NUBP1: variants seen among roughly 807,000 people sequenced by gnomAD.
The protein encoded by NUBP1 is cytosolic Fe-S cluster assembly factor NUBP1.
Under a neutral mutation model 41.8 loss-of-function variants are expected in NUBP1, and 46 were observed. The observed-to-expected ratio is 1.10, with a 90% confidence interval of 0.87 to 1.41. The LOEUF (loss-of-function observed/expected upper bound fraction) is 1.41. Among genes scored for constraint, NUBP1 ranks in the 40% most tolerant of loss-of-function variants. NUBP1 has a pLI of 0.00. For missense variants in NUBP1, 494 were observed against 414.0 expected (o/e 1.19, Z -1.68); for synonymous variants, 189 against 154.6 (o/e 1.22, Z -1.65).
chr16:10,761,059 C>CGCCG, intron 7 of NUBP1: 1 of 280,522 alleles, frequency 3.6e-6, no homozygotes, highest in Non-Finnish European at 7.0e-6. Context: ...GAGGAACTGT[C>CGCCG]AAACACTTAC....
At chr16:10,756,824 G>A in intron 6 of NUBP1, 44 bp downstream of exon 6, 2 of 1,512,252 alleles carry the variant, frequency 1.3e-6, no homozygotes, top group Non-Finnish European at 1.8e-6. Context: ...TCTTCCACGA[G>A]CGTTGTGGCT....
chr16:10,755,801 G>A, intron 5 of NUBP1, 48 bp downstream of exon 5: 1 of 1,581,976 alleles, frequency 6.3e-7, no homozygotes, highest in East Asian at 2.2e-5. Flanking sequence ...GTGTGGTTGT[G>A]TGTACATAAT....
rs1008130859 is a variant in NUBP1 at position 10,768,463 on chromosome 16, C to T, written c.904+431C>T. ...CTCTACTAAAAATATGAAAATTAGC[C>T]GGGTGTGGTGGCGCATGCCTGTAGT... On this transcript the variant is annotated intron_variant, in intron 10 of 10. Coordinates refer to ENST00000283027, the MANE Select transcript of NUBP1 (RefSeq NM_002484.4). The surrounding 1 kb of genome is among the most constrained non-coding windows in gnomAD (Gnocchi z 4.3). 5.0e-5 allele frequency: 8 copies of T among 159,986 alleles called. No homozygotes were observed. The highest frequency in any genetic ancestry group is 6.8e-5 in the Non-Finnish European group (5 of 73,262). 9.9% of individuals were successfully genotyped at this position (159,986 alleles called of 1,614,324 possible).
At chr16:10,756,634 C>T in intron 5 of NUBP1, 56 bp from the exon 6 acceptor site, 1 of 1,334,958 alleles carries the variant, frequency 7.5e-7, no homozygotes, top group Non-Finnish European at 1.0e-6. Context: ...GGGGGAGGGC[C>T]TCACTGTGTG....
chr16:10,743,957 G>A lies in NUBP1; in HGVS notation c.20-4G>A. 6.3e-7 allele frequency: 1 copy of A among 1,592,306 alleles called. No homozygotes were observed. On this transcript the variant is annotated splice_region_variant and splice_polypyrimidine_tract_variant and intron_variant, in intron 1 of 10. Transcript: ENST00000283027. ...GCTCTAACTGTGGTCTTGTCTCTGC[G>A]CAGACTGTCCAGGGGCCGACAGCGC...
Position 10,765,779 on chromosome 16 carries a change from A to C in NUBP1, c.821-2170A>C, listed in dbSNP as rs1305172817. ...GGTTCACAAGAGCTAATTTCAAAGC[A>C]GAGGAGCCACCAGTGACAGCTGCGA... On this transcript the variant is annotated intron_variant, in intron 9 of 10. Coordinates refer to ENST00000283027, the MANE Select transcript of NUBP1 (RefSeq NM_002484.4). The surrounding 1 kb of genome is among the most constrained non-coding windows in gnomAD (Gnocchi z 4.0). Among the ~76,000 whole-genome samples the C allele has an allele frequency of 6.6e-6, 1 of 152,262 alleles. No homozygotes were observed. The highest frequency in any genetic ancestry group is 1.5e-5 in the Non-Finnish European group (1 of 68,040).
Position 10,749,088 on chromosome 16 carries a change from TAAA to T in NUBP1, c.258+1822_258+1824del, listed in dbSNP as rs1186301797. On this transcript the variant is annotated intron_variant, in intron 3 of 10. Transcript: ENST00000283027. This position sits in a 1 kb window ranked among gnomAD's most constrained non-coding sequence, Gnocchi z 4.1. The stretch of plus-strand genomic sequence containing the variant: ...CCTGGGTGACAGACAAGACTCCATT[TAAA>T]AAAAAAAAAGGATATAGATAGATAC... Among the ~76,000 whole-genome samples the T allele has an allele frequency of 1.5e-5, 2 of 133,200 alleles. No homozygotes were observed. The highest frequency in any genetic ancestry group is 5.8e-5 in the African/African-American group (2 of 34,716). The allele number at this position is 133,200 out of a possible 152,430, so 87.4% of individuals were successfully genotyped here. A position where few individuals can be genotyped will look rare whatever the true frequency, so the allele number is the denominator to read the frequency against.
chr16:10,744,042 G>T lies in NUBP1; in HGVS notation c.101G>T (p.Gly34Val). The T allele has an allele frequency of 6.3e-7, 1 of 1,583,520 alleles. No homozygotes were observed. The highest frequency in any genetic ancestry group is 8.5e-7 in the Non-Finnish European group (1 of 1,170,118). The change falls in exon 2 of 11, where the codon GGA (glycine) becomes GTA (valine). Residue 34 changes from glycine to valine, a missense_variant. Coordinates refer to ENST00000283027, the MANE Select transcript of NUBP1 (RefSeq NM_002484.4). ...CCCAACCAGCGGCTGTGCGCTTCTG[G>T]AGCGGGGGCCACTCCGGACACGGGT... is the stretch of plus-strand genomic sequence containing the variant. Reference protein sequence around the residue: ...GCPNQRLCASGAGATPDTAIE... With the variant: ...GCPNQRLCASVAGATPDTAIE...
chr16:10,760,325 CTTTA>C (rs946239441), intron 7 of NUBP1, among the ~76,000 whole-genome samples: 2 of 152,202 alleles, frequency 1.3e-5, no homozygotes, highest in Non-Finnish European at 2.9e-5. Context: ...TCCGGAGGAA[CTTTA>C]TTTATAAAAC....
At chr16:10,756,642 G>C (rs759257488) in intron 5 of NUBP1, 48 bp from the exon 6 acceptor site, 7 of 1,409,538 alleles carry the variant, frequency 5.0e-6, no homozygotes, top group Non-Finnish European at 6.6e-6. Context: ...GCCTCACTGT[G>C]TGGTTTTGAG....
chr16:10,748,033 T>C (rs1900142353), intron 3 of NUBP1, among the ~76,000 whole-genome samples: 1 of 152,154 alleles, frequency 6.6e-6, no homozygotes, highest in Non-Finnish European at 1.5e-5. Flanking sequence ...TTGCAACCTC[T>C]ACTTCCTGGG....
intron 5 of NUBP1, among the ~76,000 whole-genome samples, chr16:10,756,037 T>C (rs929569029): frequency 6.6e-6 from 1 of 152,198 alleles, no homozygotes; most frequent in Admixed American, 6.5e-5. Context: ...ACACAGATGG[T>C]GGGCCAGATT....
chr16:10,761,851 C>T lies in NUBP1; in HGVS notation c.812C>T (p.Pro271Leu), dbSNP rs372446215. The T allele has an allele frequency of 6.9e-5, 111 of 1,613,318 alleles. No individual in the cohort carries two copies. Among genetic ancestry groups the T allele is most frequent in the South Asian group, 5.4e-4 (49 of 91,062 alleles). ...VPLLGRVPLD[P>L]LIGKNCDKGQ... ...CTCCTCGGCAGAGTGCCCCTGGATC[C>T]GCTCATAGGTGGGTGACCCCAGTGT... The change falls in exon 9 of 11, where the codon CCG becomes CTG. Residue 271 changes from proline to leucine, a missense_variant. Coordinates refer to ENST00000283027, the MANE Select transcript of NUBP1 (RefSeq NM_002484.4).
chr16:10,769,115 A>C lies in NUBP1; in HGVS notation c.*10A>C. The C allele has an allele frequency of 6.2e-7, 1 of 1,613,264 alleles. No individual in the cohort carries two copies. The highest frequency in any genetic ancestry group is 8.5e-7 in the Non-Finnish European group (1 of 1,179,266). On this transcript the variant is annotated 3_prime_UTR_variant, in exon 11 of 11. Transcript: ENST00000283027. Reference sequence around the variant, plus strand: ...CCTCATCAGTTCCTGAAACGAGAGAATGTTCAGGACCAAGCAGTTACCGAG... The same window carrying C: ...CCTCATCAGTTCCTGAAACGAGAGACTGTTCAGGACCAAGCAGTTACCGAG...
Position 10,747,171 on chromosome 16 carries a change from G to A in NUBP1, c.153G>A (p.Lys51=). ...TAGAGGAAATCAAAGAGAAAATGAAGACTGTAAAACACAAAATCTTGGTAT... is the reference window on the plus strand; with the variant it reads ...TAGAGGAAATCAAAGAGAAAATGAAAACTGTAAAACACAAAATCTTGGTAT... ...TAIEEIKEKM[K]TVKHKILVLS... Residue 51 remains lysine, a synonymous_variant, in exon 3 of 11, where the codon AAG becomes AAA. Coordinates refer to ENST00000283027, the MANE Select transcript of NUBP1 (RefSeq NM_002484.4). 6.2e-7 allele frequency: 1 copy of A among 1,614,170 alleles called. No homozygotes were observed. The highest frequency in any genetic ancestry group is 8.5e-7 in the Non-Finnish European group (1 of 1,180,012).
chr16:10,750,038 CAT>C (rs1900247172), intron 3 of NUBP1, among the ~76,000 whole-genome samples: 1 of 152,038 alleles, frequency 6.6e-6, no homozygotes, highest in Non-Finnish European at 1.5e-5. Context: ...AAACATAAAA[CAT>C]AAAAAAAGTT....
intron 4 of NUBP1, 68 bp downstream of exon 4, chr16:10,752,746 A>C (rs1427875531): frequency 7.6e-7 from 1 of 1,314,730 alleles, no homozygotes; most frequent in South Asian, 1.2e-5. Flanking sequence ...TGAACTGTCA[A>C]ACCTCAACAA....
rs1046899649 is a variant in NUBP1, at chr16:10,759,509, C to A, written c.606+1482C>A. Among the ~76,000 whole-genome samples the A allele has an allele frequency of 5.3e-5, 8 of 152,190 alleles. No individual in the cohort carries two copies. The highest frequency in any genetic ancestry group is 1.9e-4 in the African/African-American group (8 of 41,454). ...GTGGTTGGTGCTGGGCACACTGGCT[C>A]ATGTCTGTAATCCCAGCACTTTGGG... On this transcript the variant is annotated intron_variant, in intron 7 of 10. Coordinates refer to ENST00000283027, the MANE Select transcript of NUBP1 (RefSeq NM_002484.4). The surrounding 1 kb of genome is among the most constrained non-coding windows in gnomAD (Gnocchi z 4.7).
At chr16:10,744,863 T>C (rs1402797257) in intron 2 of NUBP1, among the ~76,000 whole-genome samples, 1 of 151,974 alleles carries the variant, frequency 6.6e-6, no homozygotes, top group Non-Finnish European at 1.5e-5. Flanking sequence ...GTTCAAGCGA[T>C]TCTCGTGCCT....
Sources: gnomAD v4.1 joint callset for allele counts (sites outside exome capture counted in the v4.1 genomes callset) on GRCh38, gnomAD v4.1.1 for gene constraint, Gnocchi (gnomAD v3.1) non-coding constraint, MANE v1.5 for transcripts, NCBI Gene and HGNC (gene_info 2026-07-23, HGNC 2026-07-21) for gene names.